Variants in FNTA observed in about 807,000 individuals in gnomAD.
The protein encoded by FNTA is farnesyltransferase, CAAX box, subunit alpha, also known as protein farnesyltransferase/geranylgeranyltransferase type-1 subunit alpha.
A neutral mutation model predicts 55.2 loss-of-function variants in FNTA; 27 were observed. The ratio of observed to expected loss-of-function variants is 0.49; its 90% CI spans 0.36 to 0.67. The LOEUF (loss-of-function observed/expected upper bound fraction) is 0.67. FNTA is among the 30% of genes least tolerant of loss of function. FNTA has a pLI of 0.00. For synonymous variants in FNTA, 176 were observed against 170.7 expected, an observed-to-expected ratio of 1.03 and a Z score of -0.24; for missense variants, 422 against 464.7, an observed-to-expected ratio of 0.91 and a Z score of 0.85.
chr8:43,067,005 A>G (rs1174132120), intron 3 of FNTA, among the ~76,000 whole-genome samples: 1 of 152,162 alleles, frequency 6.6e-6, no homozygotes, highest in African/African-American at 2.4e-5. Flanking sequence ...TGCAGATCTT[A>G]TCCTGTTGTA....
Position 43,064,149 on chromosome 8 carries a change from G to C in FNTA, c.335G>C (p.Arg112Thr). 1 of 1,614,134 alleles carries C rather than the reference G, an allele frequency of 6.2e-7. No homozygotes were observed. The highest frequency in any genetic ancestry group is 1.1e-5 in the South Asian group (1 of 91,086). ...CGAGCTGTCCTGCAGCGTGATGAAA[G>C]AAGTGAACGAGCTTTTAAGCTAACC... is the stretch of plus-strand genomic sequence containing the variant. ...YFRAVLQRDE[R>T]SERAFKLTRD... The change falls in exon 3 of 9, where the codon AGA becomes ACA. Residue 112 changes from arginine (R) to threonine (T), a missense_variant. Transcript: ENST00000302279.
intron 3 of FNTA, among the ~76,000 whole-genome samples, chr8:43,067,845 G>A (rs985878465): frequency 5.9e-5 from 9 of 151,976 alleles, no homozygotes; most frequent in African/African-American, 2.2e-4. Context: ...GCAGTGTCGC[G>A]AATAGCTGGA....
rs986863678 is a variant in FNTA at position 43,085,543 on chromosome 8, A to G, written c.*261A>G. On this transcript the variant is annotated 3_prime_UTR_variant, in exon 9 of 9. Transcript: ENST00000302279. ...AAGGAACTTTTGTAGTCTTATCAAC[A>G]TATAATCTAATCCCTTAGCATCAGC... is the stretch of plus-strand genomic sequence containing the variant. 3.4e-5 allele frequency: 15 copies of G among 436,200 alleles called. No individual in the cohort carries two copies. Among genetic ancestry groups the G allele is most frequent in the South Asian group, 3.3e-5 (1 of 30,538 alleles). 27.0% of individuals were successfully genotyped at this position (436,200 alleles called of 1,614,324 possible). A position where few individuals can be genotyped will look rare whatever the true frequency, so the allele number is the denominator to read the frequency against.
chr8:43,084,328 T>C (rs1339279762), intron 7 of FNTA, among the ~76,000 whole-genome samples: 1 of 151,172 alleles, frequency 6.6e-6, no homozygotes. Context: ...CTAGTGATTC[T>C]CCCACCTCAG....
intron 1 of FNTA, among the ~76,000 whole-genome samples, chr8:43,058,499 C>T (rs1451092049): frequency 1.3e-5 from 2 of 152,108 alleles, no homozygotes; most frequent in Non-Finnish European, 2.9e-5. Flanking sequence ...AGGCAGGGAG[C>T]GGTGGCTCAC....
intron 2 of FNTA, chr8:43,063,221 C>T: frequency 4.4e-6 from 2 of 454,540 alleles, no homozygotes; most frequent in South Asian, 1.6e-5. Flanking sequence ...GCTGTGACTG[C>T]AGGCCTGGAT....
rs1049206870 is a variant in FNTA at position 43,085,400 on chromosome 8, T to C, written c.*118T>C. 5 of 919,606 alleles carry C rather than the reference T, an allele frequency of 5.4e-6. No homozygotes were observed. In the South Asian group the frequency reaches 6.3e-5, roughly 12 times the overall value. The allele number at this position is 919,606 out of a possible 1,614,324, so 57.0% of individuals were successfully genotyped here. A position where few individuals can be genotyped will look rare whatever the true frequency, so the allele number is the denominator to read the frequency against. ...GGTGTAAAAGTGCATCACACAGGTA[T>C]TGCTTTTTAACAAGAACTGATGCTC... On this transcript the variant is annotated 3_prime_UTR_variant, in exon 9 of 9. Transcript: ENST00000302279.
chr8:43,062,632 A>G (rs1563325888), intron 2 of FNTA, among the ~76,000 whole-genome samples: 1 of 152,206 alleles, frequency 6.6e-6, no homozygotes. Flanking sequence ...ATACCTCAGA[A>G]TTTTGTGAAG....
At chr8:43,056,995 G>C (rs1454673349) in intron 1 of FNTA, 1 of 152,252 alleles carries the variant, frequency 6.6e-6, no homozygotes. Flanking sequence ...CGAAGTGTGA[G>C]GGCTTCCAGT....
chr8:43,066,247 T>G (rs1810655581), intron 3 of FNTA, among the ~76,000 whole-genome samples: 2 of 150,440 alleles, frequency 1.3e-5, no homozygotes, highest in African/African-American at 5.0e-5. Context: ...GCTGTTTTTT[T>G]GTTCTGTGAA....
chr8:43,059,876 T>C (rs1285656512), intron 2 of FNTA, among the ~76,000 whole-genome samples: 1 of 152,224 alleles, frequency 6.6e-6, no homozygotes, highest in Non-Finnish European at 1.5e-5. Context: ...GTATTAAGTG[T>C]GCAGATATAT....
At chr8:43,078,465 A>G (rs993454209) in intron 6 of FNTA, 1 of 149,820 alleles carries the variant, frequency 6.7e-6, no homozygotes, top group Non-Finnish European at 1.5e-5. Context: ...ACATTTTGGT[A>G]CTCCTCAGTA....
intron 3 of FNTA, among the ~76,000 whole-genome samples, chr8:43,065,802 C>T (rs1318326172): frequency 1.3e-5 from 2 of 151,418 alleles, no homozygotes; most frequent in Non-Finnish European, 2.9e-5. Flanking sequence ...TTTACTTTCT[C>T]ATTTTATAGA....
intron 3 of FNTA, among the ~76,000 whole-genome samples, chr8:43,064,530 G>T (rs755477623): frequency 6.6e-6 from 1 of 152,040 alleles, no homozygotes; most frequent in Non-Finnish European, 1.5e-5. Context: ...GGCCAAGCTG[G>T]TCTTGAAATC....
intron 7 of FNTA, among the ~76,000 whole-genome samples, chr8:43,083,821 C>T (rs1811070908): frequency 1.3e-5 from 2 of 152,126 alleles, no homozygotes; most frequent in Admixed American, 1.3e-4. Context: ...GCCTGCAATC[C>T]CAGCACTTTG....
chr8:43,061,599 A>C (rs1810531163), intron 2 of FNTA, among the ~76,000 whole-genome samples: 1 of 152,260 alleles, frequency 6.6e-6, no homozygotes, highest in Non-Finnish European at 1.5e-5. Context: ...ATTGTCATAC[A>C]GTTAATACTA....
In FNTA at chr8:43,077,345, G is replaced by T; in HGVS notation, c.763G>T (p.Val255Leu). 1 of 1,610,252 alleles carries T rather than the reference G, an allele frequency of 6.2e-7. No homozygotes were observed. Among genetic ancestry groups the T allele is most frequent in the Non-Finnish European group, 8.5e-7 (1 of 1,178,192 alleles). ...CACCACTGGCTACAATGATCGTGCT[G>T]TATTGGAGAGAGAAGTCCAGTTAGT... ...SNTTGYNDRA[V>L]LEREVQYTLE... The change falls in exon 6 of 9, where the codon GTA becomes TTA. Residue 255 changes from valine (V) to leucine (L), a missense_variant. Val to Leu is a conservative substitution (Grantham distance 32). Around this residue, in one of 2 missense-constraint regions of FNTA, gnomAD observed 262 missense variants for 343.1 expected, o/e 0.76. Coordinates refer to ENST00000302279, the MANE Select transcript of FNTA (RefSeq NM_002027.3).
intron 2 of FNTA, among the ~76,000 whole-genome samples, chr8:43,061,861 A>G (rs541737262): frequency 3.3e-5 from 5 of 152,042 alleles, no homozygotes; most frequent in African/African-American, 1.2e-4. Flanking sequence ...CTGGGATTAC[A>G]GGCTTGCGAC....
At position 43,085,237 on chromosome 8, in the gene FNTA, CA is replaced by C; in HGVS notation, c.1098del (p.Lys366AsnfsTer98). On this transcript the variant is annotated frameshift_variant, in exon 9 of 9. Coordinates refer to ENST00000302279, the MANE Select transcript of FNTA (RefSeq NM_002027.3). LOFTEE classifies it high-confidence loss of function. ...WRYIGRSLQS[K>X]HSTENDSPTN... The stretch of plus-strand genomic sequence containing the variant: ...GATACATTGGAAGATCCCTTCAAAG[CA>C]AACACAGCACAGAAAATGACTCACC... 1 of 1,608,744 alleles carries C rather than the reference CA, an allele frequency of 6.2e-7. No individual in the cohort carries two copies. The highest frequency in any genetic ancestry group is 8.5e-7 in the Non-Finnish European group (1 of 1,178,376).
Sources: gnomAD v4.1 joint callset for allele counts (sites outside exome capture counted in the v4.1 genomes callset) on GRCh38, gnomAD v4.1.1 for gene constraint, gnomAD v4.1.1 regional missense constraint, MANE v1.5 for transcripts, NCBI Gene and HGNC (gene_info 2026-07-23, HGNC 2026-07-21) for gene names.